FMN2: variants seen among roughly 807,000 people sequenced by gnomAD.
FMN2 encodes formin-2.
A neutral mutation model predicts 142.3 loss-of-function variants in FMN2; 51 were observed. The ratio of observed to expected loss-of-function variants is 0.36; its 90% CI spans 0.29 to 0.45. The LOEUF (loss-of-function observed/expected upper bound fraction) is 0.45. Among genes scored for constraint, FMN2 ranks in the 20% least tolerant of loss-of-function variants. FMN2 has a pLI of 1.00. For missense variants in FMN2, 1,936 were observed against 2,122.8 expected, an observed-to-expected ratio of 0.91 and a Z score of 1.73; for synonymous variants, 882 against 869.8, an observed-to-expected ratio of 1.01 and a Z score of -0.25.
intron 6 of FMN2, among the ~76,000 whole-genome samples, chr1:240,234,537 C>T (rs188339793): frequency 1.3e-5 from 2 of 152,274 alleles, no homozygotes; most frequent in Non-Finnish European, 1.5e-5. Context: ...TGTATCTTTT[C>T]CACCACAAAG....
At chr1:240,345,954 A>G (rs1371827998) in intron 13 of FMN2, among the ~76,000 whole-genome samples, 1 of 152,212 alleles carries the variant, frequency 6.6e-6, no homozygotes, top group East Asian at 1.9e-4. Context: ...TGAGTGAATT[A>G]TGGTATCTTC....
intron 14 of FMN2, among the ~76,000 whole-genome samples, chr1:240,382,622 C>A (rs1673267603): frequency 6.6e-6 from 1 of 151,952 alleles, no homozygotes; most frequent in Non-Finnish European, 1.5e-5. Context: ...GATCGTGCCA[C>A]TGCACTCCAG....
At chr1:240,247,155 T>C (rs1250074916) in intron 6 of FMN2, among the ~76,000 whole-genome samples, 1 of 152,180 alleles carries the variant, frequency 6.6e-6, no homozygotes, top group African/African-American at 2.4e-5. Context: ...CTATGTAAAA[T>C]CTTAGGCATT....
At chr1:240,325,318 G>A (rs978282013) in intron 8 of FMN2, among the ~76,000 whole-genome samples, 1 of 143,046 alleles carries the variant, frequency 7.0e-6, no homozygotes, top group Non-Finnish European at 1.5e-5. Context: ...ACTTCAGCCT[G>A]GGTGACACGG....
At chr1:240,387,635 G>T (rs1288890437) in intron 14 of FMN2, among the ~76,000 whole-genome samples, 1 of 152,046 alleles carries the variant, frequency 6.6e-6, no homozygotes, top group African/African-American at 2.4e-5. Context: ...AAAGGTCTTG[G>T]GCCATAATTT....
chr1:240,367,047 G>A (rs771786565), intron 14 of FMN2, among the ~76,000 whole-genome samples: 9 of 152,046 alleles, frequency 5.9e-5, no homozygotes, highest in African/African-American at 1.4e-4. Context: ...CACTTCTATC[G>A]GCAGAGTTCC....
intron 7 of FMN2, among the ~76,000 whole-genome samples, chr1:240,283,060 C>G (rs909922476): frequency 1.3e-5 from 2 of 152,078 alleles, no homozygotes; most frequent in African/African-American, 4.8e-5. Context: ...ATGCACCTCC[C>G]GAAGGTTTCT....
At chr1:240,408,333 T>C (rs1338046559) in intron 15 of FMN2, among the ~76,000 whole-genome samples, 1 of 152,160 alleles carries the variant, frequency 6.6e-6, no homozygotes, top group Non-Finnish European at 1.5e-5. Context: ...AAGTAGATTC[T>C]TAAGTCTAAG....
intron 8 of FMN2, among the ~76,000 whole-genome samples, chr1:240,323,608 A>C (rs962846196): frequency 1.3e-5 from 2 of 152,198 alleles, no homozygotes; most frequent in African/African-American, 4.8e-5. Context: ...TCCACGTGAA[A>C]GATCTTTCTA....
Position 240,151,322 on chromosome 1 carries a change from A to T in FMN2, c.1783-26599A>T, listed in dbSNP as rs141154043. ...GTCTATAAGTAGCAGAGCATGTCACAGATCTTAATCTCAGTTCCAGCCTGT... is the reference window on the plus strand; with the variant it reads ...GTCTATAAGTAGCAGAGCATGTCACTGATCTTAATCTCAGTTCCAGCCTGT... On this transcript the variant is annotated intron_variant, in intron 2 of 17. Coordinates refer to ENST00000319653, the MANE Select transcript of FMN2 (RefSeq NM_020066.5). Among the ~76,000 whole-genome samples, 321 of 152,312 alleles carry T rather than the reference A, an allele frequency of 2.1e-3. 1 individual carries two copies. The highest frequency in any genetic ancestry group is 3.7e-3 in the Non-Finnish European group (250 of 68,030).
intron 14 of FMN2, among the ~76,000 whole-genome samples, chr1:240,358,033 A>T (rs1171505568): frequency 2.0e-5 from 3 of 152,222 alleles, no homozygotes; most frequent in South Asian, 4.1e-4. Context: ...AGAAGTAGGA[A>T]ATGCTTCACC....
chr1:240,094,652 TAAATG>T (rs1334624465), intron 1 of FMN2, among the ~76,000 whole-genome samples: 7 of 152,210 alleles, frequency 4.6e-5, no homozygotes, highest in Non-Finnish European at 1.0e-4. Flanking sequence ...TCTTAATTAT[TAAATG>T]AAATAGAGTG....
intron 7 of FMN2, among the ~76,000 whole-genome samples, chr1:240,285,440 G>A (rs558685986): frequency 1.2e-4 from 18 of 152,140 alleles, no homozygotes; most frequent in Admixed American, 9.2e-4. Flanking sequence ...GAAGGAGGTC[G>A]GAAGCTGGAG....
chr1:240,296,438 C>CTTTTTTTTTTTTTTT (rs772711130), intron 8 of FMN2, among the ~76,000 whole-genome samples: 2 of 46,910 alleles, frequency 4.3e-5, no homozygotes, highest in Non-Finnish European at 7.2e-5. Context: ...TCTTTGAGTG[C>CTTTTTTTTTTTTTTT]TTTTTTTTTT....
chr1:240,140,165 G>A (rs888451272), intron 2 of FMN2, among the ~76,000 whole-genome samples: 14 of 152,104 alleles, frequency 9.2e-5, no homozygotes, highest in East Asian at 1.9e-4. Flanking sequence ...TCCCATTCCA[G>A]TGTGTAACCA....
chr1:240,176,618 T>C (rs7511696), intron 2 of FMN2, among the ~76,000 whole-genome samples: 34,131 of 152,202 alleles, frequency 0.22, 4,077 homozygotes, highest in African/African-American at 0.29. Flanking sequence ...TTCCTTCAGG[T>C]TCTCCAATGA....
Position 240,092,928 on chromosome 1 carries a change from G to A in FMN2, c.819G>A (p.Leu273=). 6.8e-7 allele frequency: 1 copy of A among 1,470,870 alleles called. No individual in the cohort carries two copies. The highest frequency in any genetic ancestry group is 1.4e-5 in the South Asian group (1 of 73,748). The allele number at this position is 1,470,870 out of a possible 1,614,324, so 91.1% of individuals were successfully genotyped here. A position where few individuals can be genotyped will look rare whatever the true frequency, so the allele number is the denominator to read the frequency against. Residue 273 remains leucine (L), a synonymous_variant, in exon 1 of 18, where the codon CTG becomes CTA. Transcript: ENST00000319653. The stretch of plus-strand genomic sequence containing the variant: ...GCAGTCCGGACACCGAGCAGGCGCT[G>A]TCCGCGCTCTCCGACCTGCCCGAGA... ...APGSPDTEQA[L]SALSDLPESL... is the part of the protein sequence containing the mutation.
intron 7 of FMN2, among the ~76,000 whole-genome samples, chr1:240,281,328 T>C (rs1021572359): frequency 1.3e-5 from 2 of 152,140 alleles, no homozygotes; most frequent in Non-Finnish European, 2.9e-5. Context: ...AAAGAGAAGA[T>C]AGTACAAATT....
At chr1:240,275,412 C>A (rs918661582) in intron 7 of FMN2, among the ~76,000 whole-genome samples, 20 of 152,058 alleles carry the variant, frequency 1.3e-4, no homozygotes, top group Admixed American at 7.9e-4. Context: ...CTGCAAAGGA[C>A]ATGAACTCAT....
Sources: allele counts gnomAD v4.1 joint callset (sites outside exome capture counted in the v4.1 genomes callset), GRCh38; gene constraint gnomAD v4.1.1; transcripts MANE v1.5; gene names NCBI Gene and HGNC (gene_info 2026-07-23, HGNC 2026-07-21).